The following ERBB4 variants were observed in gnomAD, a reference collection of about 807,000 sequenced individuals.
ERBB4 encodes erb-b2 receptor tyrosine kinase 4, also known as receptor tyrosine-protein kinase erbB-4.
Under a neutral mutation model 158.0 loss-of-function variants are expected in ERBB4, and 42 were observed. The observed-to-expected ratio is 0.27, with a 90% confidence interval of 0.21 to 0.34. The LOEUF is 0.34. Among genes scored for constraint, ERBB4 ranks in the 10% least tolerant of loss-of-function variants. The probability of loss-of-function intolerance (pLI) is 1.00; values close to 1 mark genes in which losing one functional copy is unlikely to be tolerated. For missense variants in ERBB4, 1,333 were observed against 1,624.1 expected (o/e 0.82, Z 3.08); for synonymous variants, 583 against 558.7 (o/e 1.04, Z -0.61).
At chr2:211,537,393 G>C (rs1183391033) in intron 20 of ERBB4, among the ~76,000 whole-genome samples, 3 of 151,946 alleles carry the variant, frequency 2.0e-5, no homozygotes. Flanking sequence ...AAATAAATTT[G>C]TGAGGAAAAT....
At chr2:212,037,598 T>G (rs1338433382) in intron 2 of ERBB4, among the ~76,000 whole-genome samples, 2 of 152,190 alleles carry the variant, frequency 1.3e-5, no homozygotes, top group East Asian at 3.8e-4. Flanking sequence ...TGCAGAAGAA[T>G]ACAGAGAAAT....
At chr2:211,889,944 G>A (rs2078918666) in intron 3 of ERBB4, among the ~76,000 whole-genome samples, 1 of 121,216 alleles carries the variant, frequency 8.2e-6, no homozygotes, top group Non-Finnish European at 1.7e-5. Context: ...GTACCTGAAA[G>A]TGATGGGGAG....
intron 1 of ERBB4, among the ~76,000 whole-genome samples, chr2:212,356,720 TA>T (rs5838325): frequency 0.88 from 131,341 of 149,268 alleles, 57,162 homozygotes; most frequent in African/African-American, 0.91. Context: ...TGAACCCATG[TA>T]AAAAAAAAAC....
At chr2:211,677,133 A>G (rs2072107429) in intron 13 of ERBB4, among the ~76,000 whole-genome samples, 1 of 152,224 alleles carries the variant, frequency 6.6e-6, no homozygotes. Flanking sequence ...ACATGTCAAT[A>G]TCATTATGAT....
At chr2:211,866,042 G>A (rs907146666) in intron 3 of ERBB4, among the ~76,000 whole-genome samples, 2 of 152,104 alleles carry the variant, frequency 1.3e-5, no homozygotes, top group Non-Finnish European at 2.9e-5. Context: ...AAACTATCAG[G>A]AGAACGAGAC....
intron 1 of ERBB4, among the ~76,000 whole-genome samples, chr2:212,190,361 C>T (rs1261823543): frequency 6.6e-6 from 1 of 152,010 alleles, no homozygotes; most frequent in Non-Finnish European, 1.5e-5. Flanking sequence ...AGGGTGAAAC[C>T]CCGTCTCTAC....
chr2:211,409,106 A>G (rs1262096627), intron 25 of ERBB4, among the ~76,000 whole-genome samples: 1 of 152,160 alleles, frequency 6.6e-6, no homozygotes, highest in Non-Finnish European at 1.5e-5. Context: ...ACTCCATTTG[A>G]ATGATTATTA....
chr2:211,728,073 A>G (rs2074321778), intron 5 of ERBB4, among the ~76,000 whole-genome samples: 2 of 151,854 alleles, frequency 1.3e-5, no homozygotes, highest in Non-Finnish European at 2.9e-5. Flanking sequence ...ACTTTCTTTA[A>G]GTCTTTGACC....
intron 2 of ERBB4, among the ~76,000 whole-genome samples, chr2:211,951,279 AAAG>A (rs879533535): frequency 9.2e-5 from 14 of 152,288 alleles, no homozygotes; most frequent in Non-Finnish European, 1.5e-4. Flanking sequence ...TATTCAGGTA[AAAG>A]AAGAAGTTTA....
intron 2 of ERBB4, among the ~76,000 whole-genome samples, chr2:212,053,443 T>G (rs779809211): frequency 6.6e-6 from 1 of 152,068 alleles, no homozygotes; most frequent in South Asian, 2.1e-4. Flanking sequence ...CCTCATAGTA[T>G]GGGCCACAAC....
At chr2:212,247,699 C>T (rs890019999) in intron 1 of ERBB4, among the ~76,000 whole-genome samples, 2 of 152,286 alleles carry the variant, frequency 1.3e-5, no homozygotes, top group South Asian at 4.1e-4. Context: ...AGCGGTGGCT[C>T]ATGCTTGTAA....
At chr2:211,750,946 TAAATG>T (rs1255024440) in intron 4 of ERBB4, among the ~76,000 whole-genome samples, 1 of 152,150 alleles carries the variant, frequency 6.6e-6, no homozygotes, top group Non-Finnish European at 1.5e-5. Context: ...GAAAATAAAA[TAAATG>T]AATTTGTGAA....
intron 1 of ERBB4, among the ~76,000 whole-genome samples, chr2:212,271,810 G>A (rs1292320807): frequency 6.6e-6 from 1 of 151,754 alleles, no homozygotes; most frequent in Non-Finnish European, 1.5e-5. Flanking sequence ...ATGGTTGCCA[G>A]GTTGATACAT....
Position 211,978,288 on chromosome 2 carries a change from T to G in ERBB4, c.235-30672A>C, listed in dbSNP as rs373604197. 1.3e-5 allele frequency among the ~76,000 whole-genome samples: 2 copies of G among 151,860 alleles called. 1 individual carries two copies. Among genetic ancestry groups the G allele is most frequent in the South Asian group, 4.2e-4 (2 of 4,812 alleles). On this transcript the variant is annotated intron_variant, in intron 2 of 27. Transcript: ENST00000342788. ...CCTATTTGGGATCCTCTCTATAATT[T>G]CCCTAGCAAACAGCCAAACACAGAC...
At chr2:211,606,738 G>A (rs542767283) in intron 19 of ERBB4, among the ~76,000 whole-genome samples, 1 of 152,168 alleles carries the variant, frequency 6.6e-6, no homozygotes, top group African/African-American at 2.4e-5. Context: ...ATTGTATTTT[G>A]AAGCGCCGTT....
At chr2:212,351,305 G>A (rs1295678911) in intron 1 of ERBB4, among the ~76,000 whole-genome samples, 1 of 152,122 alleles carries the variant, frequency 6.6e-6, no homozygotes, top group Non-Finnish European at 1.5e-5. Context: ...AATCAAAACT[G>A]CCAATGCCTT....
chr2:212,305,373 T>C (rs1231781617), intron 1 of ERBB4, among the ~76,000 whole-genome samples: 1 of 151,400 alleles, frequency 6.6e-6, no homozygotes, highest in Non-Finnish European at 1.5e-5. Flanking sequence ...ATGATTTTTA[T>C]TCCACTAATA....
chr2:211,623,965 C>G lies in ERBB4; in HGVS notation c.2159G>C (p.Arg720Thr). Residue 720 changes from arginine to threonine, a missense_variant, in exon 18 of 28, where the codon AGG (arginine) becomes ACG (threonine). Physicochemically the swap from Arg to Thr is moderately conservative, Grantham distance 71 (BLOSUM62 -1). Around this residue, in one of 5 missense-constraint regions of ERBB4, gnomAD observed 314 missense variants for 437.6 expected, o/e 0.72. Transcript: ENST00000342788. ...AGCACCTGAGCCAAGGACTTTTACC[C>G]TCTTCAGCTCAGTTTCTTTCAAAAT... ...LRILKETELKRVKVLGSGAFG... is the reference protein window; with the variant it reads ...LRILKETELKTVKVLGSGAFG... 6.2e-7 allele frequency: 1 copy of G among 1,614,138 alleles called. No homozygotes were observed. The highest frequency in any genetic ancestry group is 8.5e-7 in the Non-Finnish European group (1 of 1,179,988).
chr2:211,492,276 G>C (rs527434895), intron 20 of ERBB4, among the ~76,000 whole-genome samples: 2 of 152,182 alleles, frequency 1.3e-5, no homozygotes, highest in South Asian at 4.1e-4. Flanking sequence ...TCTGATTTTG[G>C]GGGGAGCATT....
Sources: gnomAD v4.1 joint callset for allele counts (sites outside exome capture counted in the v4.1 genomes callset) on GRCh38, gnomAD v4.1.1 for gene constraint, gnomAD v4.1.1 regional missense constraint, MANE v1.5 for transcripts, NCBI Gene and HGNC (gene_info 2026-07-23, HGNC 2026-07-21) for gene names.